The following RPS5 variants were observed in gnomAD, a reference collection of about 807,000 sequenced individuals.
The protein encoded by RPS5 is small ribosomal subunit protein uS7.
A neutral mutation model predicts 20.9 loss-of-function variants in RPS5; 2 were observed. The observed-to-expected ratio is 0.10, with a 90% confidence interval of 0.04 to 0.30. The LOEUF is 0.30. Ranked by LOEUF, RPS5 falls within the 10% of genes least tolerant of loss-of-function variation. The pLI, the probability that RPS5 is intolerant of heterozygous loss-of-function variation, is 1.00. For synonymous variants in RPS5, 112 were observed against 105.8 expected, an observed-to-expected ratio of 1.06 and a Z score of -0.36; for missense variants, 122 against 287.2, an observed-to-expected ratio of 0.42 and a Z score of 4.16.
Position 58,389,015 on chromosome 19 carries a change from T to G in RPS5, c.108+770T>G, listed in dbSNP as rs976639259. On this transcript the variant is annotated intron_variant, in intron 2 of 5. Transcript: ENST00000196551. ...TATGCCAGTACCACACTTTCTTGCT[T>G]TGTATTAAGTTTTGCAATTGGGAAG... is the stretch of plus-strand genomic sequence containing the variant. Among the ~76,000 whole-genome samples the G allele has an allele frequency of 7.2e-5, 11 of 152,156 alleles. No individual in the cohort carries two copies. In the East Asian group the frequency reaches 7.7e-4, roughly 11 times the overall value.
intron 4 of RPS5, chr19:58,394,027 C>G (rs946439337): frequency 5.9e-6 from 1 of 168,186 alleles, no homozygotes; most frequent in Non-Finnish European, 1.3e-5. Context: ...TCTTGAATTC[C>G]TGGTCTCAAA....
chr19:58,391,923 CAA>C (rs1463516565), intron 2 of RPS5, among the ~76,000 whole-genome samples: 3 of 152,004 alleles, frequency 2.0e-5, no homozygotes, highest in African/African-American at 7.2e-5. Flanking sequence ...GACTCCATCT[CAA>C]AAAACAAAAA....
At chr19:58,388,077 C>T (rs1568572833) in intron 1 of RPS5, 60 bp from the exon 2 acceptor site, 3 of 1,166,626 alleles carry the variant, frequency 2.6e-6, no homozygotes, top group East Asian at 2.5e-5. Flanking sequence ...GGAATGAGTG[C>T]GCCTTTGCTC....
intron 2 of RPS5, among the ~76,000 whole-genome samples, chr19:58,390,258 ATCTCGGC>A (rs2052354185): frequency 6.7e-6 from 1 of 149,388 alleles, no homozygotes. Flanking sequence ...CAGTGGTGCG[ATCTCGGC>A]TCACTGCAAC....
At chr19:58,388,306 C>A in intron 2 of RPS5, 61 bp downstream of exon 2, 2 of 1,171,084 alleles carry the variant, frequency 1.7e-6, no homozygotes, top group East Asian at 2.5e-5. Flanking sequence ...CAGGAAGGCA[C>A]ACATCAAACT....
intron 2 of RPS5, among the ~76,000 whole-genome samples, chr19:58,390,844 CTG>C (rs889911863): frequency 1.3e-5 from 2 of 151,812 alleles, no homozygotes; most frequent in Admixed American, 6.6e-5. Flanking sequence ...CTTCACGAGA[CTG>C]TGAGTTTTTT....
In RPS5 at chr19:58,387,796, A is replaced by C. The variant is rs141976464; in HGVS notation, c.-1-341A>C. On this transcript the variant is annotated intron_variant, in intron 1 of 5. Coordinates refer to ENST00000196551, the MANE Select transcript of RPS5 (RefSeq NM_001009.4). ...GAGACGGAACGTTGACTTGGGTCAAAGACCATGTAAATCGCGAGATTGTGG... is the reference window on the plus strand; with the variant it reads ...GAGACGGAACGTTGACTTGGGTCAACGACCATGTAAATCGCGAGATTGTGG... The C allele has an allele frequency of 3.7e-3, 1,166 of 311,108 alleles. 15 individuals are homozygous for C. The highest frequency in any genetic ancestry group is 0.024 in the African/African-American group (1,104 of 46,232). 19.3% of individuals were successfully genotyped at this position (311,108 alleles called of 1,614,324 possible).
At chr19:58,388,269 C>T (rs1490511285) in intron 2 of RPS5, 24 bp downstream of exon 2, 1 of 1,523,376 alleles carries the variant, frequency 6.6e-7, no homozygotes, top group Non-Finnish European at 9.1e-7. Flanking sequence ...GGTGATTGGC[C>T]TTCCTGGCTG....
chr19:58,390,195 G>A (rs984945216), intron 2 of RPS5, among the ~76,000 whole-genome samples: 1 of 147,916 alleles, frequency 6.8e-6, no homozygotes, highest in East Asian at 2.0e-4. Context: ...CACGCCTGGC[G>A]TTATTTATTT....
At chr19:58,387,811 C>T (rs912271172) in intron 1 of RPS5, 25 of 323,788 alleles carry the variant, frequency 7.7e-5, no homozygotes, top group African/African-American at 5.4e-4. Context: ...ATGTAAATCG[C>T]GAGATTGTGG....
intron 2 of RPS5, among the ~76,000 whole-genome samples, chr19:58,389,677 C>T (rs537703232): frequency 4.6e-5 from 7 of 152,156 alleles, no homozygotes; most frequent in African/African-American, 1.2e-4. Flanking sequence ...GCTCTTATTG[C>T]CCAGGCTGGA....
At position 58,389,099 on chromosome 19, in the gene RPS5, C is replaced by T. The variant is rs141049140; in HGVS notation, c.108+854C>T. On this transcript the variant is annotated intron_variant, in intron 2 of 5. Coordinates refer to ENST00000196551, the MANE Select transcript of RPS5 (RefSeq NM_001009.4). ...GGTTTTACACATACCCTTTTTTTCCCCTCCCCATGAAGGCATCATTAAGAA... is the reference window on the plus strand; with the variant it reads ...GGTTTTACACATACCCTTTTTTTCCTCTCCCCATGAAGGCATCATTAAGAA... 3.3e-3 allele frequency among the ~76,000 whole-genome samples: 501 copies of T among 152,020 alleles called. 2 individuals are homozygous for T. Among genetic ancestry groups the T allele is most frequent in the African/African-American group, 0.011 (475 of 41,472 alleles).
At chr19:58,394,456 C>T (rs369222204) in intron 4 of RPS5, 41 bp from the exon 5 acceptor site, 49 of 1,561,970 alleles carry the variant, frequency 3.1e-5, no homozygotes, top group Middle Eastern at 2.1e-4. Context: ...GCTGGAGGAC[C>T]GCAGTCTGTC....
chr19:58,392,187 G>C (rs527882034), intron 2 of RPS5, among the ~76,000 whole-genome samples: 2 of 152,092 alleles, frequency 1.3e-5, no homozygotes, highest in Non-Finnish European at 2.9e-5. Flanking sequence ...AGCTGGGCTT[G>C]GTGGCGCGTG....
intron 2 of RPS5, among the ~76,000 whole-genome samples, chr19:58,388,755 G>T (rs1321412309): frequency 2.0e-5 from 3 of 149,464 alleles, no homozygotes; most frequent in African/African-American, 7.4e-5. Context: ...CTCCTGAGTA[G>T]CTGGGACTAC....
Position 58,393,415 on chromosome 19 carries a change from C to T in RPS5, c.375C>T (p.Ser125=), listed in dbSNP as rs750797077. The change falls in exon 4 of 6, where the codon TCC becomes TCT. Residue 125 remains serine, a synonymous_variant. Transcript: ENST00000196551. ...TCAACAGTGGTCCCCGGGAGGACTCCACACGCATTGGGCGCGCCGGGACTG... is the reference window on the plus strand; with the variant it reads ...TCAACAGTGGTCCCCGGGAGGACTCTACACGCATTGGGCGCGCCGGGACTG... ...AIINSGPRED[S]TRIGRAGTVR... is the part of the protein sequence containing the mutation. 6.2e-7 allele frequency: 1 copy of T among 1,613,672 alleles called. No individual in the cohort carries two copies. The highest frequency in any genetic ancestry group is 8.5e-7 in the Non-Finnish European group (1 of 1,180,042).
At chr19:58,394,285 A>G (rs2052382922) in intron 4 of RPS5, 5 of 564,854 alleles carry the variant, frequency 8.9e-6, no homozygotes, top group Middle Eastern at 4.7e-4. Context: ...ATCTCCTGTC[A>G]CTGGGGACGC....
At chr19:58,388,453 C>G (rs549444071) in intron 2 of RPS5, 1 of 574,430 alleles carries the variant, frequency 1.7e-6, no homozygotes, top group African/African-American at 1.9e-5. Flanking sequence ...GACTCCTTCA[C>G]CAGAAGGAGC....
At chr19:58,388,071 T>G in intron 1 of RPS5, 66 bp from the exon 2 acceptor site, 1 of 1,089,416 alleles carries the variant, frequency 9.2e-7, no homozygotes, top group South Asian at 1.3e-5. Context: ...GAGTTGGGAA[T>G]GAGTGCGCCT....
Sources: gnomAD v4.1 joint callset for allele counts (sites outside exome capture counted in the v4.1 genomes callset) on GRCh38, gnomAD v4.1.1 for gene constraint, MANE v1.5 for transcripts, NCBI Gene and HGNC (gene_info 2026-07-23, HGNC 2026-07-21) for gene names.